CAMKMT: variants seen among roughly 807,000 people sequenced by gnomAD.
CAMKMT encodes CaM KMT.
Under a neutral mutation model 48.0 loss-of-function variants are expected in CAMKMT, and 53 were observed. The observed-to-expected ratio is 1.10, with a 90% CI of 0.89 to 1.39. CAMKMT has a LOEUF of 1.39. CAMKMT is among the 40% of genes most tolerant of loss of function. CAMKMT has a pLI of 0.00. For synonymous variants in CAMKMT, 165 were observed against 152.3 expected (o/e 1.08, Z -0.61); for missense variants, 428 against 402.7 (o/e 1.06, Z -0.54).
intron 7 of CAMKMT, among the ~76,000 whole-genome samples, chr2:44,721,627 T>A (rs2104318922): frequency 6.6e-6 from 1 of 152,322 alleles, no homozygotes; most frequent in East Asian, 1.9e-4. Context: ...TTCACAGAGT[T>A]GTGCAAGCAT....
At chr2:44,669,668 C>T (rs574669971) in intron 3 of CAMKMT, among the ~76,000 whole-genome samples, 161 of 151,980 alleles carry the variant, frequency 1.1e-3, no homozygotes, top group Admixed American at 3.7e-3. Context: ...GACAGGGTCT[C>T]GCTCTGTCAC....
intron 3 of CAMKMT, among the ~76,000 whole-genome samples, chr2:44,586,692 A>G (rs1669875801): frequency 6.6e-6 from 1 of 152,116 alleles, no homozygotes; most frequent in South Asian, 2.1e-4. Flanking sequence ...TATATGCAGT[A>G]TATTTATCCA....
At chr2:44,510,695 T>A (rs1369923145) in intron 3 of CAMKMT, among the ~76,000 whole-genome samples, 4 of 152,198 alleles carry the variant, frequency 2.6e-5, no homozygotes, top group African/African-American at 9.7e-5. Context: ...TACAGATGGT[T>A]TTTGGTCACA....
chr2:44,522,886 C>T (rs575693407), intron 3 of CAMKMT, among the ~76,000 whole-genome samples: 2 of 152,280 alleles, frequency 1.3e-5, no homozygotes, highest in South Asian at 4.1e-4. Flanking sequence ...AGTGTTCCAC[C>T]TGCAGAATTC....
intron 3 of CAMKMT, among the ~76,000 whole-genome samples, chr2:44,522,319 A>G (rs1002009404): frequency 1.3e-5 from 2 of 151,908 alleles, no homozygotes; most frequent in African/African-American, 2.4e-5. Flanking sequence ...TTTTCATTTC[A>G]TATTCTATCT....
intron 3 of CAMKMT, among the ~76,000 whole-genome samples, chr2:44,695,516 T>G (rs943781527): frequency 6.6e-6 from 1 of 152,184 alleles, no homozygotes; most frequent in Non-Finnish European, 1.5e-5. Flanking sequence ...GAATATGTCT[T>G]GGATTCCAGA....
At chr2:44,505,953 C>T (rs1373570629) in intron 3 of CAMKMT, among the ~76,000 whole-genome samples, 1 of 151,972 alleles carries the variant, frequency 6.6e-6, no homozygotes, top group Non-Finnish European at 1.5e-5. Context: ...CTGCAACCTC[C>T]TCCTCTCGGG....
chr2:44,698,555 C>T (rs913267613), intron 3 of CAMKMT, among the ~76,000 whole-genome samples: 3 of 152,160 alleles, frequency 2.0e-5, no homozygotes, highest in South Asian at 4.1e-4. Flanking sequence ...ATGCACATAC[C>T]TTACTAAAAA....
chr2:44,568,974 T>G (rs1668765691), intron 3 of CAMKMT, among the ~76,000 whole-genome samples: 1 of 152,164 alleles, frequency 6.6e-6, no homozygotes, highest in Non-Finnish European at 1.5e-5. Context: ...GTGGTTGAAA[T>G]GTCAGTCTCT....
At chr2:44,724,162 T>A (rs1238787174) in intron 7 of CAMKMT, among the ~76,000 whole-genome samples, 3 of 152,144 alleles carry the variant, frequency 2.0e-5, no homozygotes. Flanking sequence ...TCCCAGATAC[T>A]AGGGACGCTG....
intron 3 of CAMKMT, among the ~76,000 whole-genome samples, chr2:44,547,224 G>A (rs764785497): frequency 5.3e-5 from 8 of 152,150 alleles, no homozygotes; most frequent in Non-Finnish European, 1.2e-4. Flanking sequence ...GTCTTATTGG[G>A]TCCTCTAGCA....
At chr2:44,729,893 C>T (rs773863837) in intron 7 of CAMKMT, among the ~76,000 whole-genome samples, 13 of 152,110 alleles carry the variant, frequency 8.5e-5, no homozygotes, top group African/African-American at 2.7e-4. Context: ...CCTGCTGAAT[C>T]GGAAACTCTG....
chr2:44,503,062 T>A (rs944970985), intron 3 of CAMKMT, among the ~76,000 whole-genome samples: 51 of 152,210 alleles, frequency 3.4e-4, no homozygotes, highest in Non-Finnish European at 7.3e-5. Context: ...CTGTTCCATG[T>A]TATTTTTCTT....
intron 3 of CAMKMT, among the ~76,000 whole-genome samples, chr2:44,432,672 T>C (rs1684720466): frequency 6.6e-6 from 1 of 152,160 alleles, no homozygotes; most frequent in African/African-American, 2.4e-5. Context: ...ATACTTCAGA[T>C]AGAGGCAGAG....
chr2:44,617,458 T>C (rs1671956155), intron 3 of CAMKMT, among the ~76,000 whole-genome samples: 1 of 152,230 alleles, frequency 6.6e-6, no homozygotes. Flanking sequence ...AGTTATCCAG[T>C]AATCTTTTTC....
At chr2:44,593,749 A>G (rs985811491) in intron 3 of CAMKMT, among the ~76,000 whole-genome samples, 1 of 147,810 alleles carries the variant, frequency 6.8e-6, no homozygotes. Flanking sequence ...GGAATTTTTG[A>G]AAAAGACAAC....
intron 5 of CAMKMT, among the ~76,000 whole-genome samples, chr2:44,706,975 C>G (rs1234458229): frequency 6.6e-6 from 1 of 151,912 alleles, no homozygotes; most frequent in Non-Finnish European, 1.5e-5. Context: ...GCGAGCATGT[C>G]AAAGCTCACA....
chr2:44,585,013 C>T (rs1669777791), intron 3 of CAMKMT, among the ~76,000 whole-genome samples: 1 of 151,796 alleles, frequency 6.6e-6, no homozygotes, highest in Non-Finnish European at 1.5e-5. Flanking sequence ...CGAGATCGCA[C>T]CACTGCACTC....
chr2:44,595,802 C>T (rs993636175), intron 3 of CAMKMT, among the ~76,000 whole-genome samples: 2 of 152,126 alleles, frequency 1.3e-5, no homozygotes, highest in African/African-American at 2.4e-5. Context: ...TAGTATGCAG[C>T]TGTAAAAAAG....
Sources: allele counts gnomAD v4.1 joint callset (sites outside exome capture counted in the v4.1 genomes callset), GRCh38; gene constraint gnomAD v4.1.1; transcripts MANE v1.5; gene names NCBI Gene and HGNC (gene_info 2026-07-23, HGNC 2026-07-21).